ABCC4: variants seen among roughly 807,000 people sequenced by gnomAD.
ABCC4 encodes ATP-binding cassette sub-family C member 4.
ABCC4 carries 102 observed loss-of-function variants against 168.5 expected under a neutral mutation model. The observed-to-expected ratio is 0.61, with a 90% confidence interval of 0.52 to 0.71. ABCC4 has a LOEUF of 0.71. Ranked by LOEUF, ABCC4 falls within the 30% of genes least tolerant of loss-of-function variation. The probability of loss-of-function intolerance (pLI) is 0.00; values close to 1 mark genes in which losing one functional copy is unlikely to be tolerated. For synonymous variants in ABCC4, 617 were observed against 590.7 expected (o/e 1.04, Z -0.65); for missense variants, 1,402 against 1,605.8 (o/e 0.87, Z 2.17).
At chr13:95,065,422 T>C (rs548597357) in intron 25 of ABCC4, among the ~76,000 whole-genome samples, 1 of 152,364 alleles carries the variant, frequency 6.6e-6, no homozygotes, top group South Asian at 2.1e-4. Context: ...GTGTGAGTTA[T>C]CTGTGTTCCT....
intron 29 of ABCC4, among the ~76,000 whole-genome samples, chr13:95,042,098 A>T (rs537545415): frequency 2.6e-5 from 4 of 152,284 alleles, no homozygotes. Context: ...TGGAGTTGGG[A>T]GTGAGAAGGA....
At chr13:95,140,784 T>C (rs1490007513) in intron 19 of ABCC4, among the ~76,000 whole-genome samples, 2 of 152,212 alleles carry the variant, frequency 1.3e-5, no homozygotes, top group Non-Finnish European at 2.9e-5. Context: ...TTCCCCTTTT[T>C]CCTCCAAATC....
At chr13:95,145,179 A>G (rs1235632581) in intron 19 of ABCC4, among the ~76,000 whole-genome samples, 1 of 152,208 alleles carries the variant, frequency 6.6e-6, no homozygotes, top group Non-Finnish European at 1.5e-5. Context: ...AAAGGAACAC[A>G]TATATACTGT....
chr13:95,272,178 G>A (rs1280187531), intron 1 of ABCC4, among the ~76,000 whole-genome samples: 1 of 151,968 alleles, frequency 6.6e-6, no homozygotes, highest in Admixed American at 6.6e-5. Context: ...CTGAGTAGCT[G>A]GGATTACAGG....
chr13:95,111,384 T>C (rs1306059554), intron 20 of ABCC4, among the ~76,000 whole-genome samples: 2 of 152,220 alleles, frequency 1.3e-5, no homozygotes, highest in African/African-American at 4.8e-5. Context: ...TTGAGGTAAC[T>C]TGCAGACTGT....
At chr13:95,118,447 T>C (rs1054771538) in intron 19 of ABCC4, among the ~76,000 whole-genome samples, 8 of 152,106 alleles carry the variant, frequency 5.3e-5, no homozygotes, top group Non-Finnish European at 1.2e-4. Flanking sequence ...TTTCACCACG[T>C]TGGTCAGGCT....
At chr13:95,063,665 T>G (rs576947081) in intron 25 of ABCC4, among the ~76,000 whole-genome samples, 1 of 152,324 alleles carries the variant, frequency 6.6e-6, no homozygotes, top group Admixed American at 6.5e-5. Context: ...GAAACATTTG[T>G]GTCAAGTATC....
At chr13:95,226,335 A>G (rs2039465737) in intron 4 of ABCC4, among the ~76,000 whole-genome samples, 1 of 152,154 alleles carries the variant, frequency 6.6e-6, no homozygotes, top group South Asian at 2.1e-4. Context: ...TTGATTTATA[A>G]AGCTATAGTA....
intron 14 of ABCC4, 147 bp downstream of exon 14, chr13:95,170,385 A>C: frequency 1.9e-6 from 1 of 532,972 alleles, no homozygotes; most frequent in East Asian, 3.0e-5. Flanking sequence ...AGCATGTAAT[A>C]ATGACATTTC....
rs2138757856 is a variant in ABCC4, at chr13:95,234,570, C to T, written c.531+40G>A. The T allele has an allele frequency of 2.6e-6, 4 of 1,535,476 alleles. No individual in the cohort carries two copies. In the East Asian group the frequency reaches 9.0e-5, roughly 35 times the overall value. ...AAACTTCCTCAGAATGCTTCTGATG[C>T]TTCAGGTGAGGTACATGTTTAATGC... On this transcript the variant is annotated intron_variant, in intron 4 of 30. Transcript: ENST00000645237.
chr13:95,063,627 C>G (rs185406998), intron 25 of ABCC4, among the ~76,000 whole-genome samples: 2 of 152,292 alleles, frequency 1.3e-5, no homozygotes, highest in Non-Finnish European at 2.9e-5. Context: ...ATGCTGCAAA[C>G]TAATTAATAC....
intron 1 of ABCC4, among the ~76,000 whole-genome samples, chr13:95,255,781 G>A (rs907812945): frequency 6.6e-6 from 1 of 152,066 alleles, no homozygotes; most frequent in Non-Finnish European, 1.5e-5. Context: ...CCTGCACTCT[G>A]GGTTCAACAT....
chr13:95,028,191 T>C (rs564583396), intron 30 of ABCC4, among the ~76,000 whole-genome samples: 3 of 152,110 alleles, frequency 2.0e-5, no homozygotes, highest in African/African-American at 7.2e-5. Flanking sequence ...AAGAGAAATA[T>C]GTACAGTGTG....
chr13:95,097,198 G>C (rs2034629873), intron 20 of ABCC4, among the ~76,000 whole-genome samples: 2 of 133,842 alleles, frequency 1.5e-5, no homozygotes. Flanking sequence ...AAAGAGTAGA[G>C]CTAAAAATGT....
intron 1 of ABCC4, among the ~76,000 whole-genome samples, chr13:95,253,256 C>T (rs1382491170): frequency 1.3e-5 from 2 of 152,208 alleles, no homozygotes; most frequent in Non-Finnish European, 2.9e-5. Context: ...TCACCCTCTG[C>T]CTTTACCTAC....
chr13:95,103,642 G>C (rs887379950), intron 20 of ABCC4, among the ~76,000 whole-genome samples: 4 of 152,144 alleles, frequency 2.6e-5, no homozygotes, highest in African/African-American at 7.2e-5. Flanking sequence ...GCCACACAAG[G>C]CATTCTGACC....
chr13:95,298,963 G>A (rs2041606052), intron 1 of ABCC4, among the ~76,000 whole-genome samples: 1 of 152,088 alleles, frequency 6.6e-6, no homozygotes. Context: ...AAATGCAGGG[G>A]GAGAAAAATA....
chr13:95,064,252 G>A (rs1029152273), intron 25 of ABCC4, among the ~76,000 whole-genome samples: 1 of 118,168 alleles, frequency 8.5e-6, no homozygotes, highest in Non-Finnish European at 1.8e-5. Context: ...CCGGGTGTGT[G>A]TGTGTGTGTA....
intron 4 of ABCC4, among the ~76,000 whole-genome samples, chr13:95,218,682 T>C (rs981984091): frequency 2.0e-5 from 3 of 151,250 alleles, no homozygotes; most frequent in Non-Finnish European, 2.9e-5. Context: ...TGAGATCCTG[T>C]CTACAAAAAA....
Sources: gnomAD v4.1 joint callset for allele counts (sites outside exome capture counted in the v4.1 genomes callset) on GRCh38, gnomAD v4.1.1 for gene constraint, MANE v1.5 for transcripts, NCBI Gene and HGNC (gene_info 2026-07-23, HGNC 2026-07-21) for gene names.